Variants in PDE4D observed in about 807,000 individuals in gnomAD.
PDE4D encodes the protein 3',5'-cyclic-AMP phosphodiesterase 4D.
Under a neutral mutation model 87.4 loss-of-function variants are expected in PDE4D, and 24 were observed. That is an observed-to-expected ratio of 0.27 (90% CI 0.20 to 0.39). The LOEUF is 0.39. PDE4D is among the 10% of genes least tolerant of loss of function. The pLI, the probability that PDE4D is intolerant of heterozygous loss-of-function variation, is 1.00. For missense variants in PDE4D, 714 were observed against 1,041.0 expected, an observed-to-expected ratio of 0.69 and a Z score of 4.32; for synonymous variants, 384 against 383.2, an observed-to-expected ratio of 1.00 and a Z score of -0.02.
chr5:59,424,990 G>A (rs987170361), intron 1 of PDE4D, among the ~76,000 whole-genome samples: 9 of 152,218 alleles, frequency 5.9e-5, no homozygotes, highest in Non-Finnish European at 8.8e-5. Context: ...ACCTAGTCTG[G>A]AGCTACAATA....
chr5:59,988,454 A>G, intron 3 of PDE4D: 1 of 1,383,444 alleles, frequency 7.2e-7, no homozygotes, highest in Non-Finnish European at 1.0e-6. Flanking sequence ...CATCTAAAAT[A>G]TAAAATGGGG....
intron 2 of PDE4D, chr5:60,022,477 T>A (rs1161841494): frequency 6.6e-6 from 1 of 152,162 alleles, no homozygotes; most frequent in Non-Finnish European, 1.5e-5. Flanking sequence ...CATAATCCAA[T>A]TTTTAAAATG....
intron 5 of PDE4D, among the ~76,000 whole-genome samples, chr5:59,162,460 C>T (rs1781243373): frequency 1.3e-5 from 2 of 152,114 alleles, no homozygotes; most frequent in African/African-American, 2.4e-5. Flanking sequence ...TCTAAAGAAG[C>T]CCATTGAACA....
At chr5:60,013,476 G>GTATGCA (rs1291198779) in intron 2 of PDE4D, among the ~76,000 whole-genome samples, 2 of 152,058 alleles carry the variant, frequency 1.3e-5, no homozygotes, top group African/African-American at 4.8e-5. Flanking sequence ...GTGTGTGTGT[G>GTATGCA]TATGCATATG....
At chr5:59,998,917 A>G (rs904112863) in intron 2 of PDE4D, among the ~76,000 whole-genome samples, 2 of 152,182 alleles carry the variant, frequency 1.3e-5, no homozygotes, top group Non-Finnish European at 1.5e-5. Context: ...GAAAGTGACT[A>G]TGTACGTGTG....
intron 1 of PDE4D, among the ~76,000 whole-genome samples, chr5:59,264,231 C>T (rs1033997217): frequency 1.3e-5 from 2 of 151,954 alleles, no homozygotes; most frequent in South Asian, 2.1e-4. Flanking sequence ...CTGAGACCAA[C>T]GCAGCTCTCA....
intron 2 of PDE4D, among the ~76,000 whole-genome samples, chr5:60,143,431 A>C (rs1234328424): frequency 1.3e-5 from 2 of 152,198 alleles, no homozygotes; most frequent in African/African-American, 2.4e-5. Flanking sequence ...TTAGACACAC[A>C]TATATTTTTA....
At chr5:60,403,197 G>A (rs928856394) in intron 1 of PDE4D, among the ~76,000 whole-genome samples, 1 of 152,190 alleles carries the variant, frequency 6.6e-6, no homozygotes, top group Non-Finnish European at 1.5e-5. Context: ...CAAAACCATG[G>A]CACACAATAG....
chr5:59,131,597 AACACACACACACACACACACAC>A (rs34161581), intron 5 of PDE4D, among the ~76,000 whole-genome samples: 10 of 118,188 alleles, frequency 8.5e-5, no homozygotes, highest in East Asian at 7.0e-4. Context: ...GCCAATTTAA[AACACACACACACACACACACAC>A]ACACACACAC....
At chr5:59,109,147 T>C (rs571875354) in intron 5 of PDE4D, among the ~76,000 whole-genome samples, 2 of 152,034 alleles carry the variant, frequency 1.3e-5, no homozygotes, top group Non-Finnish European at 2.9e-5. Context: ...ATAATGCACA[T>C]AGAAGTTGAG....
chr5:60,419,641 A>C (rs529636608), intron 1 of PDE4D, among the ~76,000 whole-genome samples: 1 of 152,290 alleles, frequency 6.6e-6, no homozygotes, highest in East Asian at 1.9e-4. Flanking sequence ...AAATTTTTTA[A>C]GATAGGCAGA....
chr5:60,210,614 A>T (rs1743086588), intron 1 of PDE4D, among the ~76,000 whole-genome samples: 2 of 151,762 alleles, frequency 1.3e-5, no homozygotes, highest in South Asian at 4.2e-4. Flanking sequence ...AAAAGGATAC[A>T]CCCCCCTCCC....
chr5:59,515,690 T>G (rs1420186029), intron 1 of PDE4D, among the ~76,000 whole-genome samples: 1 of 152,226 alleles, frequency 6.6e-6, no homozygotes, highest in Non-Finnish European at 1.5e-5. Context: ...TGCCATTTTG[T>G]AATAGCAACA....
In PDE4D at chr5:59,206,348, A is replaced by C. The variant is rs72765906; in HGVS notation, c.647+9429T>G. The stretch of plus-strand genomic sequence containing the variant: ...ATAGAAGCACATCTTTAGATGATTC[A>C]TATTGCAAGGGCTTAGACAGTATGA... On this transcript the variant is annotated intron_variant, in intron 2 of 14. Transcript: ENST00000340635. 2.8e-3 allele frequency among the ~76,000 whole-genome samples: 432 copies of C among 152,300 alleles called. 2 individuals carry two copies. Among genetic ancestry groups the C allele is most frequent in the Non-Finnish European group, 4.9e-3 (332 of 68,014 alleles).
At chr5:59,532,132 T>C (rs945192396) in intron 1 of PDE4D, among the ~76,000 whole-genome samples, 1 of 152,058 alleles carries the variant, frequency 6.6e-6, no homozygotes, top group Admixed American at 6.6e-5. Flanking sequence ...AGACCCTTAC[T>C]AGATTTTTTT....
chr5:60,202,336 TA>T (rs892596391), intron 1 of PDE4D, among the ~76,000 whole-genome samples: 1 of 151,950 alleles, frequency 6.6e-6, no homozygotes, highest in African/African-American at 2.4e-5. Context: ...CTAATTTTTT[TA>T]AAAAAATTTT....
chr5:59,622,561 C>T (rs115691906), intron 1 of PDE4D, among the ~76,000 whole-genome samples: 470 of 152,248 alleles, frequency 3.1e-3, no homozygotes, highest in African/African-American at 0.011. Flanking sequence ...CGGCACACCC[C>T]GATCTCTCTC....
At chr5:59,188,966 G>A (rs543814847) in intron 3 of PDE4D, among the ~76,000 whole-genome samples, 27 of 152,246 alleles carry the variant, frequency 1.8e-4, no homozygotes, top group Middle Eastern at 3.4e-3. Flanking sequence ...CGACTGAAAC[G>A]AGGTGACTAT....
intron 1 of PDE4D, among the ~76,000 whole-genome samples, chr5:60,485,610 C>T (rs932970314): frequency 2.0e-5 from 3 of 152,150 alleles, no homozygotes; most frequent in African/African-American, 7.2e-5. Context: ...CATAGTTTTA[C>T]AGAACCTTAT....
Sources: allele counts gnomAD v4.1 joint callset (sites outside exome capture counted in the v4.1 genomes callset), GRCh38; gene constraint gnomAD v4.1.1; transcripts MANE v1.5; gene names NCBI Gene and HGNC (gene_info 2026-07-23, HGNC 2026-07-21).